Variants in MAP3K19 observed in about 807,000 individuals in gnomAD.
The protein encoded by MAP3K19 is mitogen-activated protein kinase kinase kinase 19, also known as SPS1/STE20-related protein kinase YSK4.
In MAP3K19, 91 loss-of-function variants were observed where a neutral mutation model predicts 114.4. The observed-to-expected ratio is 0.80, with a 90% confidence interval of 0.67 to 0.95. The LOEUF (loss-of-function observed/expected upper bound fraction) is 0.95. MAP3K19 is among the 40% of genes least tolerant of loss of function. MAP3K19 has a pLI of 0.00. For missense variants in MAP3K19, 1,471 were observed against 1,573.2 expected (o/e 0.94, Z 1.10); for synonymous variants, 518 against 530.5 (o/e 0.98, Z 0.32).
chr2:134,995,550 T>C (rs1285943705), intron 8 of MAP3K19, among the ~76,000 whole-genome samples: 2 of 152,110 alleles, frequency 1.3e-5, no homozygotes, highest in African/African-American at 4.8e-5. Flanking sequence ...TGATATCTAA[T>C]CACCTGTATT....
At chr2:135,015,823 T>C (rs1190698670) in intron 5 of MAP3K19, among the ~76,000 whole-genome samples, 1 of 151,220 alleles carries the variant, frequency 6.6e-6, no homozygotes, top group East Asian at 1.9e-4. Flanking sequence ...AACCAGGGAG[T>C]TGGAGGTTGC....
At chr2:135,011,498 C>T (rs1255526136) in intron 5 of MAP3K19, among the ~76,000 whole-genome samples, 7 of 145,464 alleles carry the variant, frequency 4.8e-5, no homozygotes, top group Admixed American at 3.5e-4. Context: ...GATCGCGCCA[C>T]TGTACTCCAG....
At chr2:134,980,774 G>C (rs1320428149) in intron 12 of MAP3K19, 47 bp downstream of exon 12, 1 of 1,538,120 alleles carries the variant, frequency 6.5e-7, no homozygotes, top group Non-Finnish European at 8.9e-7. Context: ...TCTGCCACTT[G>C]GAATCTCCGG....
chr2:135,044,264 C>T (rs956284554), intron 1 of MAP3K19, among the ~76,000 whole-genome samples: 11 of 152,126 alleles, frequency 7.2e-5, no homozygotes, highest in Admixed American at 7.2e-4. Flanking sequence ...AATGGTATCT[C>T]ACTCCAGAGA....
Position 134,998,887 on chromosome 2 carries a change from A to T in MAP3K19, c.425T>A (p.Val142Asp), listed in dbSNP as rs190387950. Reference protein sequence around the residue: ...RKKKLTMRPLVLQKEESSREL... With the variant: ...RKKKLTMRPLDLQKEESSREL... Reference sequence around the variant, plus strand: ...CCTGGAACTTTCCTCTTTTTGCAAAACTAAGGGCCGCATGGTCAGCTTCTT... The same window carrying T: ...CCTGGAACTTTCCTCTTTTTGCAAATCTAAGGGCCGCATGGTCAGCTTCTT... Residue 142 changes from valine to aspartate, a missense_variant, in exon 8 of 13, where the codon GTT becomes GAT. Coordinates refer to ENST00000392915, the MANE Select transcript of MAP3K19 (RefSeq NM_025052.5). 4 of 1,614,130 alleles carry T rather than the reference A, an allele frequency of 2.5e-6. No homozygotes were observed. In the African/African-American group the frequency reaches 5.3e-5, roughly 22 times the overall value.
chr2:134,989,242 T>G (rs1051476339), intron 9 of MAP3K19, among the ~76,000 whole-genome samples: 8 of 152,226 alleles, frequency 5.3e-5, no homozygotes, highest in Non-Finnish European at 1.0e-4. Flanking sequence ...CAGTAAGCTA[T>G]AAACTCCTTA....
chr2:134,983,637 G>A (rs780068524), intron 11 of MAP3K19, 39 bp downstream of exon 11: 1 of 1,481,166 alleles, frequency 6.8e-7, no homozygotes, highest in South Asian at 1.4e-5. Flanking sequence ...ACTGTGGGGG[G>A]GTGGGGAGTG....
At chr2:134,988,656 C>A (rs1162337597) in intron 9 of MAP3K19, among the ~76,000 whole-genome samples, 1 of 152,114 alleles carries the variant, frequency 6.6e-6, no homozygotes, top group East Asian at 1.9e-4. Flanking sequence ...TCCCAAAATG[C>A]TGGAATTACA....
At chr2:135,045,440 C>T (rs1328007656) in intron 1 of MAP3K19, among the ~76,000 whole-genome samples, 1 of 152,064 alleles carries the variant, frequency 6.6e-6, no homozygotes, top group Non-Finnish European at 1.5e-5. Flanking sequence ...GAAAATGCAA[C>T]AGTATTTGCA....
At chr2:135,045,952 T>G (rs1169815071) in intron 1 of MAP3K19, among the ~76,000 whole-genome samples, 2 of 149,550 alleles carry the variant, frequency 1.3e-5, no homozygotes, top group Non-Finnish European at 2.9e-5. Context: ...AGAGATGGGG[T>G]CTCACTCTCT....
chr2:134,987,728 GT>G lies in MAP3K19; in HGVS notation c.1143del (p.Glu381AspfsTer6). On this transcript the variant is annotated frameshift_variant, in exon 10 of 13. Coordinates refer to ENST00000392915, the MANE Select transcript of MAP3K19 (RefSeq NM_025052.5). LOFTEE classifies it high-confidence loss of function. The stretch of plus-strand genomic sequence containing the variant: ...ATGGTACATACTATTTCTGGATCTT[GT>G]TCATAGTTTTTGGCTACTGAACTCT... ...KNESSVAKNY[E>X]QDPEIVCTIP... The G allele has an allele frequency of 6.2e-7, 1 of 1,611,078 alleles. No homozygotes were observed. Among genetic ancestry groups the G allele is most frequent in the East Asian group, 2.2e-5 (1 of 44,872 alleles).
chr2:134,985,891 T>A lies in MAP3K19; in HGVS notation c.2981A>T (p.Glu994Val). The A allele has an allele frequency of 6.2e-7, 1 of 1,614,102 alleles. No homozygotes were observed. The highest frequency in any genetic ancestry group is 8.5e-7 in the Non-Finnish European group (1 of 1,179,996). ...AAGATTTAGGTTTTCAGGATCTGTT[T>A]CATTTGCCATTTTTTGGCAAGAGTT... is the stretch of plus-strand genomic sequence containing the variant. The part of the protein sequence containing the change: ...DNNSCQKMAN[E>V]TDPENLNLVL... Residue 994 changes from glutamate (E) to valine (V), a missense_variant, in exon 10 of 13, where the codon GAA becomes GTA. Transcript: ENST00000392915.
intron 5 of MAP3K19, among the ~76,000 whole-genome samples, chr2:135,013,774 C>T (rs1314322687): frequency 6.6e-6 from 1 of 152,068 alleles, no homozygotes; most frequent in African/African-American, 2.4e-5. Context: ...ACCCCAATCC[C>T]CCAATCATCT....
intron 3 of MAP3K19, 65 bp from the exon 4 acceptor site, chr2:135,024,806 A>G: frequency 1.6e-6 from 1 of 619,740 alleles, no homozygotes; most frequent in Non-Finnish European, 2.8e-6. Context: ...GAAAACTAAT[A>G]TGAGAGGGAA....
intron 5 of MAP3K19, among the ~76,000 whole-genome samples, chr2:135,017,334 C>T (rs1369212524): frequency 6.6e-6 from 1 of 152,104 alleles, no homozygotes; most frequent in Non-Finnish European, 1.5e-5. Flanking sequence ...AGTCTTTTGG[C>T]TTAGTAGTAT....
chr2:134,994,418 C>G (rs1685838383), intron 8 of MAP3K19, among the ~76,000 whole-genome samples: 1 of 152,170 alleles, frequency 6.6e-6, no homozygotes, highest in South Asian at 2.1e-4. Context: ...CTGCCCTGTC[C>G]CCTATGAGGA....
intron 5 of MAP3K19, among the ~76,000 whole-genome samples, chr2:135,006,342 A>G (rs572250268): frequency 6.6e-6 from 1 of 152,188 alleles, no homozygotes; most frequent in Non-Finnish European, 1.5e-5. Context: ...TGGACTACCT[A>G]TTTAAGGGGA....
intron 5 of MAP3K19, among the ~76,000 whole-genome samples, chr2:135,007,161 T>C (rs563298049): frequency 7.3e-6 from 1 of 136,106 alleles, no homozygotes; most frequent in Non-Finnish European, 1.5e-5. Context: ...TGAGACCCTG[T>C]CTCAAAAAAA....
Position 134,987,984 on chromosome 2 carries a change from G to C in MAP3K19, c.888C>G (p.Asn296Lys). 2 of 1,614,182 alleles carry C rather than the reference G, an allele frequency of 1.2e-6. No homozygotes were observed. The highest frequency in any genetic ancestry group is 1.7e-6 in the Non-Finnish European group (2 of 1,180,040). ...SRNMCSFPKT[N>K]HHRQCLEKEE... ...CCTTCTCCAGGCATTGCCTGTGATG[G>C]TTAGTCTTAGGAAAAGAGCACATGT... is the stretch of plus-strand genomic sequence containing the variant. Residue 296 changes from asparagine (N) to lysine (K), a missense_variant, in exon 10 of 13, where the codon AAC becomes AAG. Asn to Lys is a moderately conservative substitution (Grantham distance 94). Coordinates refer to ENST00000392915, the MANE Select transcript of MAP3K19 (RefSeq NM_025052.5).
Sources: allele counts gnomAD v4.1 joint callset (sites outside exome capture counted in the v4.1 genomes callset), GRCh38; gene constraint gnomAD v4.1.1; transcripts MANE v1.5; gene names NCBI Gene and HGNC (gene_info 2026-07-23, HGNC 2026-07-21).